DDI2: variants seen among roughly 807,000 people sequenced by gnomAD.
DDI2 encodes protein DDI1 homolog 2.
DDI2 carries 5 observed loss-of-function variants against 48.1 expected under a neutral mutation model. That is an observed-to-expected ratio of 0.10 (90% confidence interval 0.05 to 0.22). The LOEUF (loss-of-function observed/expected upper bound fraction) is 0.22. DDI2 is among the 10% of genes least tolerant of loss of function. The pLI is 1.00. For synonymous variants in DDI2, 205 were observed against 183.6 expected, an observed-to-expected ratio of 1.12 and a Z score of -0.94; for missense variants, 285 against 506.2, an observed-to-expected ratio of 0.56 and a Z score of 4.19.
rs1639588606 is a variant in DDI2, at chr1:15,617,874, C to T, written c.138+66C>T. 4 of 1,445,090 alleles carry T rather than the reference C, an allele frequency of 2.8e-6. No individual in the cohort carries two copies. In the South Asian group the frequency reaches 4.2e-5, roughly 15 times the overall value. The allele number at this position is 1,445,090 out of a possible 1,614,324, so 89.5% of individuals were successfully genotyped here. A position where few individuals can be genotyped will look rare whatever the true frequency, so the allele number is the denominator to read the frequency against. On this transcript the variant is annotated intron_variant, in intron 1 of 9. Coordinates refer to ENST00000480945, the MANE Select transcript of DDI2 (RefSeq NM_032341.5). ...CCTCCCCGCCTCGGGGCCTCACTCC[C>T]TCCCTTTGCTACTGGTGAAGAATTG...
At chr1:15,649,334 C>T (rs1019426800) in intron 6 of DDI2, among the ~76,000 whole-genome samples, 1 of 151,810 alleles carries the variant, frequency 6.6e-6, no homozygotes, top group African/African-American at 2.4e-5. Context: ...TGCACTCCAG[C>T]CTGGGCAACA....
intron 4 of DDI2, among the ~76,000 whole-genome samples, chr1:15,636,670 G>A (rs1254243763): frequency 6.6e-6 from 1 of 152,188 alleles, no homozygotes; most frequent in South Asian, 2.1e-4. Flanking sequence ...GTGTTGCCCA[G>A]GCTGGTGTCA....
intron 4 of DDI2, among the ~76,000 whole-genome samples, chr1:15,637,542 A>G (rs1378798449): frequency 2.7e-5 from 4 of 150,866 alleles, no homozygotes; most frequent in Non-Finnish European, 4.4e-5. Context: ...TAGTTTTTGT[A>G]TTATTAGTAG....
intron 6 of DDI2, among the ~76,000 whole-genome samples, chr1:15,646,665 C>A (rs1640096755): frequency 6.6e-6 from 1 of 150,670 alleles, no homozygotes; most frequent in Non-Finnish European, 1.5e-5. Context: ...CCAGCCTGGG[C>A]AATAAGAGTG....
intron 5 of DDI2, 27 bp downstream of exon 5, chr1:15,638,461 G>C: frequency 6.2e-7 from 1 of 1,608,162 alleles, no homozygotes; most frequent in Non-Finnish European, 8.5e-7. Context: ...TTATTTCTTG[G>C]TCTCCCCTCC....
Position 15,661,766 on chromosome 1 carries a change from A to G in DDI2, c.*1976A>G, listed in dbSNP as rs369452442. On this transcript the variant is annotated 3_prime_UTR_variant, in exon 10 of 10. Coordinates refer to ENST00000480945, the MANE Select transcript of DDI2 (RefSeq NM_032341.5). ...GACCGTTCTCCATTCCCTTTAAACA[A>G]AAGAAAGCTCTCTCTATATACACGC... 3.7e-5 allele frequency: 57 copies of G among 1,547,822 alleles called. No individual in the cohort carries two copies. In the East Asian group the frequency reaches 4.3e-4, roughly 12 times the overall value.
chr1:15,657,281 C>G (rs1640286549), intron 9 of DDI2, among the ~76,000 whole-genome samples: 1 of 152,098 alleles, frequency 6.6e-6, no homozygotes, highest in Non-Finnish European at 1.5e-5. Flanking sequence ...AACATCAGCT[C>G]GAATACATTG....
intron 5 of DDI2, among the ~76,000 whole-genome samples, chr1:15,641,584 A>T (rs1640008569): frequency 6.6e-6 from 1 of 152,140 alleles, no homozygotes; most frequent in South Asian, 2.1e-4. Context: ...GCATCCACGG[A>T]GTGGTTTGGA....
intron 3 of DDI2, among the ~76,000 whole-genome samples, chr1:15,631,044 C>T (rs901801946): frequency 2.0e-5 from 3 of 152,138 alleles, no homozygotes; most frequent in Admixed American, 6.5e-5. Context: ...GGGGTTTCAC[C>T]GTGTTAGCCA....
At chr1:15,656,249 G>T (rs1334092518) in intron 8 of DDI2, among the ~76,000 whole-genome samples, 3 of 152,150 alleles carry the variant, frequency 2.0e-5, no homozygotes, top group Non-Finnish European at 4.4e-5. Flanking sequence ...TTTGGAAAGG[G>T]ACTGTTAGAT....
rs1164061976 is a variant in DDI2 at position 15,668,178 on chromosome 1, C to T, written c.*8388C>T. The T allele has an allele frequency of 6.6e-6, 1 of 152,140 alleles. No homozygotes were observed. The highest frequency in any genetic ancestry group is 1.5e-5 in the Non-Finnish European group (1 of 68,040). The allele number at this position is 152,140 out of a possible 1,614,324, so 9.4% of individuals were successfully genotyped here. On this transcript the variant is annotated 3_prime_UTR_variant, in exon 10 of 10. Coordinates refer to ENST00000480945, the MANE Select transcript of DDI2 (RefSeq NM_032341.5). ...TTTGTTTACAAGAGTTGGTTTTACA[C>T]ACAACCCTGAATGAATGTGTCTATG...
rs1353391331 is a variant in DDI2, at chr1:15,665,021, G to A, written c.*5231G>A. The A allele has an allele frequency of 6.6e-6, 1 of 152,266 alleles. No homozygotes were observed. The highest frequency in any genetic ancestry group is 2.4e-5 in the African/African-American group (1 of 41,404). 9.4% of individuals were successfully genotyped at this position (152,266 alleles called of 1,614,324 possible). ...TCACACCTGTAATCCCAGCACTTTG[G>A]GAGGCCAAGGCGGGTGGATCACCTG... On this transcript the variant is annotated 3_prime_UTR_variant, in exon 10 of 10. Coordinates refer to ENST00000480945, the MANE Select transcript of DDI2 (RefSeq NM_032341.5).
intron 1 of DDI2, among the ~76,000 whole-genome samples, chr1:15,626,202 C>T (rs1306975105): frequency 6.6e-6 from 1 of 152,054 alleles, no homozygotes; most frequent in East Asian, 1.9e-4. Context: ...TTTATGATCT[C>T]GTGAATGAAA....
chr1:15,649,879 A>G lies in DDI2; in HGVS notation c.993+56A>G, dbSNP rs1570986125. 13 of 1,518,452 alleles carry G rather than the reference A, an allele frequency of 8.6e-6. No individual in the cohort carries two copies. In the East Asian group the frequency reaches 3.0e-4, roughly 35 times the overall value. 94.1% of individuals were successfully genotyped at this position (1,518,452 alleles called of 1,614,324 possible). On this transcript the variant is annotated intron_variant, in intron 7 of 9. Transcript: ENST00000480945. ...ATCTGCTTTTTGTAATATGGTCATT[A>G]TCACATTATTTTTATTGGTTACATA...
At chr1:15,633,370 G>C in intron 3 of DDI2, 69 bp from the exon 4 acceptor site, 1 of 1,554,024 alleles carries the variant, frequency 6.4e-7, no homozygotes, top group Non-Finnish European at 8.8e-7. Flanking sequence ...AAATTGTTTG[G>C]TGTGGAAAAG....
intron 8 of DDI2, among the ~76,000 whole-genome samples, chr1:15,652,692 A>G (rs1164436827): frequency 6.6e-6 from 1 of 151,584 alleles, no homozygotes; most frequent in Admixed American, 6.6e-5. Context: ...GCGTAGTGGT[A>G]GGCGCCTGTA....
intron 1 of DDI2, among the ~76,000 whole-genome samples, chr1:15,619,488 C>T (rs1474522101): frequency 6.9e-6 from 1 of 144,060 alleles, no homozygotes; most frequent in Non-Finnish European, 1.5e-5. Flanking sequence ...TTTTTCGAGA[C>T]GGAGTCTCTG....
intron 4 of DDI2, among the ~76,000 whole-genome samples, chr1:15,636,302 G>T (rs1024580214): frequency 6.6e-6 from 1 of 152,002 alleles, no homozygotes; most frequent in African/African-American, 2.4e-5. Flanking sequence ...AATTTTTCTT[G>T]TATTTTGTAG....
At chr1:15,639,405 G>T (rs1639973250) in intron 5 of DDI2, among the ~76,000 whole-genome samples, 1 of 151,736 alleles carries the variant, frequency 6.6e-6, no homozygotes. Context: ...TATATAAAAA[G>T]AAAAAAAGTA....
Sources: allele counts gnomAD v4.1 joint callset (sites outside exome capture counted in the v4.1 genomes callset), GRCh38; gene constraint gnomAD v4.1.1; transcripts MANE v1.5; gene names NCBI Gene and HGNC (gene_info 2026-07-23, HGNC 2026-07-21).